Variants in PTPDC1 observed in about 807,000 individuals in gnomAD.
The protein encoded by PTPDC1 is protein tyrosine phosphatase domain-containing protein 1.
Under a neutral mutation model 75.3 loss-of-function variants are expected in PTPDC1, and 53 were observed. The ratio of observed to expected loss-of-function variants is 0.70; its 90% CI spans 0.56 to 0.88. The LOEUF is 0.88. Ranked by LOEUF, PTPDC1 falls within the 40% of genes least tolerant of loss-of-function variation. The pLI, the probability that PTPDC1 is intolerant of heterozygous loss-of-function variation, is 0.00. For missense variants in PTPDC1, 925 were observed against 998.6 expected (o/e 0.93, Z 0.99); for synonymous variants, 349 against 366.2 (o/e 0.95, Z 0.54).
At position 94,084,649 on chromosome 9, in the gene PTPDC1, G is replaced by A; in HGVS notation, c.119G>A (p.Gly40Asp). 2 of 1,613,332 alleles carry A rather than the reference G, an allele frequency of 1.2e-6. No individual in the cohort carries two copies. Among genetic ancestry groups the A allele is most frequent in the Non-Finnish European group, 1.7e-6 (2 of 1,179,682 alleles). ...PVLRLQQARR[G>D]SGLGSGSATK... ...CTGCGGCTGCAGCAGGCCCGGCGGG[G>A]CTCTGGCTTGGGCTCCGGCTCTGCC... The change falls in exon 1 of 9, where the codon GGC (glycine) becomes GAC (aspartate). Residue 40 changes from glycine to aspartate, a missense_variant. Gly to Asp is a moderately conservative substitution (Grantham distance 94). Coordinates refer to ENST00000620992, the MANE Select transcript of PTPDC1 (RefSeq NM_001253829.2).
rs147259798 is a variant in PTPDC1 at position 94,056,933 on chromosome 9, C to T, written c.-6-7801C>T. On this transcript the variant is annotated intron_variant, in intron 1 of 9. Transcript: ENST00000375360. Reference sequence around the variant, plus strand: ...GAGTGAGAAAAATATCTGTCATTGACAACAGGAAATAGAAATAAATAATAT... The same window carrying T: ...GAGTGAGAAAAATATCTGTCATTGATAACAGGAAATAGAAATAAATAATAT... Among the ~76,000 whole-genome samples the T allele has an allele frequency of 2.6e-4, 40 of 152,114 alleles. No homozygotes were observed. The East Asian group carries it at 7.7e-3, about 29-fold the overall frequency.
chr9:94,085,077 T>C (rs1564026095), intron 1 of PTPDC1, among the ~76,000 whole-genome samples, 174 bp from the exon 2 acceptor site: 1 of 152,232 alleles, frequency 6.6e-6, no homozygotes, highest in South Asian at 2.1e-4. Context: ...CTTTTTTACA[T>C]TAAGAGATAT....
chr9:94,098,835 A>G (rs1414093592), intron 6 of PTPDC1, among the ~76,000 whole-genome samples: 1 of 152,218 alleles, frequency 6.6e-6, no homozygotes, highest in Admixed American at 6.5e-5. Flanking sequence ...CAAGGCATTG[A>G]TATTAGTAGT....
intron 2 of PTPDC1, among the ~76,000 whole-genome samples, chr9:94,070,439 A>G (rs1320586550): frequency 2.0e-5 from 3 of 152,174 alleles, no homozygotes; most frequent in African/African-American, 7.2e-5. Context: ...TTGATTATAT[A>G]TACATTTTTA....
In PTPDC1 at chr9:94,108,019, T is replaced by C. The variant is rs747938669; in HGVS notation, c.*75T>C. The C allele has an allele frequency of 1.3e-6, 1 of 748,960 alleles. No homozygotes were observed. Among genetic ancestry groups the C allele is most frequent in the African/African-American group, 1.8e-5 (1 of 54,742 alleles). The allele number at this position is 748,960 out of a possible 1,614,324, so 46.4% of individuals were successfully genotyped here. ...TGTTCATATGTGAATAAGTTGAAGA[T>C]TGTGGGGCTACTTTTTCTCATAGCA... On this transcript the variant is annotated 3_prime_UTR_variant, in exon 9 of 9. Transcript: ENST00000620992.
chr9:94,104,577 A>T (rs1355260151), intron 8 of PTPDC1, among the ~76,000 whole-genome samples, 192 bp downstream of exon 8: 1 of 152,256 alleles, frequency 6.6e-6, no homozygotes, highest in Non-Finnish European at 1.5e-5. Flanking sequence ...CCAAACAATG[A>T]TCTTAGGAAA....
At chr9:94,045,072 C>T (rs1825550615) in intron 1 of PTPDC1, among the ~76,000 whole-genome samples, 1 of 145,586 alleles carries the variant, frequency 6.9e-6, no homozygotes, top group Non-Finnish European at 1.5e-5. Flanking sequence ...CAATTCCCAC[C>T]TATGAGTGAG....
At chr9:94,094,359 C>T (rs1481420485) in intron 4 of PTPDC1, among the ~76,000 whole-genome samples, 1 of 80,398 alleles carries the variant, frequency 1.2e-5, no homozygotes. Context: ...GTCAGTGTGC[C>T]CCTGCTGGTG....
chr9:94,074,740 CCT>C (rs1301626445), intron 2 of PTPDC1, among the ~76,000 whole-genome samples: 1 of 152,148 alleles, frequency 6.6e-6, no homozygotes, highest in African/African-American at 2.4e-5. Flanking sequence ...TTGAAGCTCC[CCT>C]GTTGCTTGGG....
At chr9:94,044,597 A>G (rs187784013) in intron 1 of PTPDC1, among the ~76,000 whole-genome samples, 119 of 152,288 alleles carry the variant, frequency 7.8e-4, no homozygotes, top group Non-Finnish European at 1.4e-3. Flanking sequence ...AACCTTGTGA[A>G]ACTCACCTGT....
intron 1 of PTPDC1, 35 bp from the exon 2 acceptor site, chr9:94,085,216 G>A: frequency 6.3e-7 from 1 of 1,577,980 alleles, no homozygotes; most frequent in Non-Finnish European, 8.7e-7. Context: ...TTTGGAGAGT[G>A]GAATTTTGAA....
At chr9:94,048,417 T>G (rs4385526) in intron 1 of PTPDC1, among the ~76,000 whole-genome samples, 1 of 152,158 alleles carries the variant, frequency 6.6e-6, no homozygotes, top group African/African-American at 2.4e-5. Context: ...TTTGTTCTCG[T>G]TGGTTTCAAA....
exon 1 of PTPDC1, chr9:94,030,860 G>C (rs934043116): frequency 6.6e-6 from 1 of 152,180 alleles, no homozygotes; most frequent in East Asian, 1.9e-4. Flanking sequence ...ACGGGGAGCA[G>C]CCCAGGCGCT....
At chr9:94,078,418 A>G (rs1826765858) in intron 2 of PTPDC1, among the ~76,000 whole-genome samples, 1 of 152,072 alleles carries the variant, frequency 6.6e-6, no homozygotes, top group African/African-American at 2.4e-5. Context: ...TCATTTTTCT[A>G]TTTGAGCATT....
chr9:94,053,525 T>A (rs1038083558), intron 1 of PTPDC1, among the ~76,000 whole-genome samples: 1 of 152,194 alleles, frequency 6.6e-6, no homozygotes, highest in South Asian at 2.1e-4. Context: ...ATTAGGAGGC[T>A]GTTTTTATGG....
chr9:94,044,973 A>C (rs950512055), intron 1 of PTPDC1, among the ~76,000 whole-genome samples: 1 of 140,538 alleles, frequency 7.1e-6, no homozygotes, highest in Non-Finnish European at 1.5e-5. Flanking sequence ...AGGTATATCT[A>C]CTAATGCTAT....
In PTPDC1 at chr9:94,104,405, T is replaced by G; in HGVS notation, c.2310+20T>G. On this transcript the variant is annotated intron_variant, in intron 8 of 8. Transcript: ENST00000620992. ...ACTAAGGTGGGTCATACTCTTCCTT[T>G]CCCCTCTCTGAACCACAGATCAGCA... 1 of 1,497,478 alleles carries G rather than the reference T, an allele frequency of 6.7e-7. No homozygotes were observed. The highest frequency in any genetic ancestry group is 9.3e-7 in the Non-Finnish European group (1 of 1,075,450). 92.8% of individuals were successfully genotyped at this position (1,497,478 alleles called of 1,614,324 possible).
rs754531578 is a variant in PTPDC1 at position 94,098,256 on chromosome 9, A to G, written c.1690A>G (p.Asn564Asp). 28 of 1,614,052 alleles carry G rather than the reference A, an allele frequency of 1.7e-5. No homozygotes were observed. In the Admixed American group the frequency reaches 2.2e-4, roughly 12 times the overall value. ...GGAGCCAGTTTCACCCAGCTTTGCAAATGTCCATAAGGATCCAAACCCTGC... is the reference window on the plus strand; with the variant it reads ...GGAGCCAGTTTCACCCAGCTTTGCAGATGTCCATAAGGATCCAAACCCTGC... ...PGEPVSPSFA[N>D]VHKDPNPAHQ... The change falls in exon 6 of 9, where the codon AAT becomes GAT. Residue 564 changes from asparagine (N) to aspartate (D), a missense_variant. Coordinates refer to ENST00000620992, the MANE Select transcript of PTPDC1 (RefSeq NM_001253829.2).
At chr9:94,061,113 G>A (rs1826116392) in intron 1 of PTPDC1, among the ~76,000 whole-genome samples, 1 of 152,182 alleles carries the variant, frequency 6.6e-6, no homozygotes, top group African/African-American at 2.4e-5. Context: ...ATATAGGCAT[G>A]GGGTAAATAC....
Sources: gnomAD v4.1 joint callset for allele counts (sites outside exome capture counted in the v4.1 genomes callset) on GRCh38, gnomAD v4.1.1 for gene constraint, MANE v1.5 for transcripts, NCBI Gene and HGNC (gene_info 2026-07-23, HGNC 2026-07-21) for gene names.